THNSL1: variants seen among roughly 807,000 people sequenced by gnomAD.
THNSL1 encodes threonine synthase-like 1.
In THNSL1, 48 loss-of-function variants were observed where a neutral mutation model predicts 50.4. The ratio of observed to expected loss-of-function variants is 0.95; its 90% confidence interval spans 0.76 to 1.21. THNSL1 has a LOEUF of 1.21. Ranked by LOEUF, THNSL1 falls within the 50% of genes most tolerant of loss-of-function variation. The probability of loss-of-function intolerance (pLI) is 0.00; values close to 1 mark genes in which losing one functional copy is unlikely to be tolerated. For missense variants in THNSL1, 896 were observed against 871.7 expected (o/e 1.03, Z -0.35); for synonymous variants, 309 against 306.1 (o/e 1.01, Z -0.10).
intron 2 of THNSL1, among the ~76,000 whole-genome samples, chr10:25,022,177 C>T (rs1309372682): frequency 6.6e-6 from 1 of 152,128 alleles, no homozygotes; most frequent in Non-Finnish European, 1.5e-5. Flanking sequence ...AAAAACTTGA[C>T]TTGTCTGGCA....
the THNSL1 span, among the ~76,000 whole-genome samples, chr10:25,011,192 C>T: frequency 2.6e-5 from 4 of 152,116 alleles, no homozygotes; most frequent in African/African-American, 9.7e-5. Flanking sequence ...TCTCTGATGG[C>T]CAGTGATGAT....
At chr10:24,962,703 G>A in the THNSL1 span, among the ~76,000 whole-genome samples, 4 of 152,176 alleles carry the variant, frequency 2.6e-5, no homozygotes, top group African/African-American at 9.6e-5. Flanking sequence ...ATGCCATTCG[G>A]TTACTGTGGT....
At chr10:24,955,991 G>A in the THNSL1 span, among the ~76,000 whole-genome samples, 2 of 151,988 alleles carry the variant, frequency 1.3e-5, no homozygotes, top group South Asian at 2.1e-4. Context: ...GACGTAAGGT[G>A]ACCAATCAGG....
chr10:25,025,447 T>C lies in THNSL1; in HGVS notation c.2224T>C (p.Phe742Leu). The change falls in exon 3 of 3, where the codon TTC becomes CTC. Residue 742 changes from phenylalanine to leucine, a missense_variant. By Grantham distance (22) the Phe-to-Leu change is conservative. Transcript: ENST00000376356. Reference protein sequence around the residue: ...SHVEQLVQNQFI With the variant: ...SHVEQLVQNQLI ...TGTGGAACAACTTGTCCAAAATCAATTCATATGAAAGCTTTCAGAGTAAAT... is the reference window on the plus strand; with the variant it reads ...TGTGGAACAACTTGTCCAAAATCAACTCATATGAAAGCTTTCAGAGTAAAT... 2 of 1,599,384 alleles carry C rather than the reference T, an allele frequency of 1.3e-6. No homozygotes were observed.
the THNSL1 span, among the ~76,000 whole-genome samples, chr10:25,009,858 T>G: frequency 8.5e-5 from 13 of 152,162 alleles, no homozygotes; most frequent in Non-Finnish European, 1.6e-4. Flanking sequence ...CTTCACCTTC[T>G]CCCATGATTG....
chr10:25,024,074 T>G lies in THNSL1; in HGVS notation c.851T>G (p.Val284Gly), dbSNP rs756306235. 6.2e-7 allele frequency: 1 copy of G among 1,614,162 alleles called. No individual in the cohort carries two copies. Among genetic ancestry groups the G allele is most frequent in the Non-Finnish European group, 8.5e-7 (1 of 1,180,012 alleles). ...KLSCGEWKSL[V>G]GATYVERAQI... ...AGCTGCGGGGAGTGGAAAAGCCTAG[T>G]AGGAGCAACCTACGTAGAAAGAGCA... The change falls in exon 3 of 3, where the codon GTA (valine) becomes GGA (glycine). Residue 284 changes from valine (V) to glycine (G), a missense_variant. Physicochemically the swap from Val to Gly is moderately radical, Grantham distance 109. Transcript: ENST00000376356.
chr10:24,959,351 C>G, the THNSL1 span, among the ~76,000 whole-genome samples: 2 of 152,088 alleles, frequency 1.3e-5, no homozygotes, highest in Non-Finnish European at 2.9e-5. Context: ...CAGTGATTGC[C>G]AGGTTATGGG....
the THNSL1 span, among the ~76,000 whole-genome samples, chr10:24,962,788 A>T: frequency 6.6e-6 from 1 of 152,258 alleles, no homozygotes; most frequent in Admixed American, 6.5e-5. Context: ...AATGATCATG[A>T]TCCTTCTGAA....
the THNSL1 span, among the ~76,000 whole-genome samples, chr10:24,969,064 T>G: frequency 6.6e-6 from 1 of 152,202 alleles, no homozygotes; most frequent in Non-Finnish European, 1.5e-5. Flanking sequence ...CGGCTAAGTC[T>G]TGTATTTTTA....
At chr10:25,016,149 C>T, upstream of THNSL1, 1 of 1,219,958 alleles carries the variant, frequency 8.2e-7, no homozygotes, top group Non-Finnish European at 1.0e-6. Context: ...TGCTAAGCGT[C>T]GTTGACTGTG....
At chr10:24,990,886 G>T in the THNSL1 span, among the ~76,000 whole-genome samples, 1 of 152,168 alleles carries the variant, frequency 6.6e-6, no homozygotes, top group East Asian at 1.9e-4. Context: ...GATCACTTGA[G>T]GTCAGGAGTT....
chr10:24,996,330 G>A, the THNSL1 span, among the ~76,000 whole-genome samples: 1 of 152,160 alleles, frequency 6.6e-6, no homozygotes, highest in Non-Finnish European at 1.5e-5. Context: ...GCTGAGGTGG[G>A]AGGATTGCTT....
At chr10:24,966,152 TGCAAGGAGAGTA>T in the THNSL1 span, among the ~76,000 whole-genome samples, 1 of 152,224 alleles carries the variant, frequency 6.6e-6, no homozygotes, top group Non-Finnish European at 1.5e-5. Flanking sequence ...TGAAGCACAG[TGCAAGGAGAGTA>T]GAAACTGGAA....
At chr10:25,000,812 T>G in the THNSL1 span, among the ~76,000 whole-genome samples, 1 of 152,110 alleles carries the variant, frequency 6.6e-6, no homozygotes, top group Non-Finnish European at 1.5e-5. Flanking sequence ...GTTTCCAGCT[T>G]GCTGTTTTTT....
the THNSL1 span, among the ~76,000 whole-genome samples, chr10:25,005,784 T>C: frequency 1.3e-5 from 2 of 152,210 alleles, no homozygotes. Flanking sequence ...TGCACTTACT[T>C]GACAACACAG....
chr10:25,016,109 G>A, upstream of THNSL1: 1 of 1,282,634 alleles, frequency 7.8e-7, no homozygotes, highest in Non-Finnish European at 9.9e-7. Context: ...GTCCTCTCTC[G>A]GGAAGAAAAC....
At chr10:24,980,457 GT>G in the THNSL1 span, among the ~76,000 whole-genome samples, 6 of 151,648 alleles carry the variant, frequency 4.0e-5, no homozygotes, top group South Asian at 2.1e-4. Flanking sequence ...ATAGCATCCT[GT>G]TTTTTTTCTT....
the THNSL1 span, among the ~76,000 whole-genome samples, chr10:25,001,196 C>T: frequency 6.6e-6 from 1 of 151,864 alleles, no homozygotes; most frequent in South Asian, 2.1e-4. Flanking sequence ...GGTACCATTC[C>T]TTCTCCATAA....
the THNSL1 span, among the ~76,000 whole-genome samples, chr10:24,955,983 C>T: frequency 4.6e-5 from 7 of 151,810 alleles, no homozygotes; most frequent in African/African-American, 9.7e-5. Context: ...AAAAGATTGA[C>T]GTAAGGTGAC....
Sources: gnomAD v4.1 joint callset for allele counts (sites outside exome capture counted in the v4.1 genomes callset) on GRCh38, gnomAD v4.1.1 for gene constraint, MANE v1.5 for transcripts, NCBI Gene and HGNC (gene_info 2026-07-23, HGNC 2026-07-21) for gene names.